Variants in CNTNAP4 observed in about 807,000 individuals in gnomAD.
CNTNAP4 encodes the protein contactin associated protein family member 4.
A neutral mutation model predicts 148.4 loss-of-function variants in CNTNAP4; 98 were observed. The observed-to-expected ratio is 0.66, with a 90% CI of 0.56 to 0.78. The LOEUF is 0.78. Among genes scored for constraint, CNTNAP4 ranks in the 30% least tolerant of loss-of-function variants. The pLI, the probability that CNTNAP4 is intolerant of heterozygous loss-of-function variation, is 0.00. For missense variants in CNTNAP4, 1,935 were observed against 1,565.6 expected, an observed-to-expected ratio of 1.24 and a Z score of -3.98; for synonymous variants, 730 against 565.1, an observed-to-expected ratio of 1.29 and a Z score of -4.14.
chr16:76,395,277 T>G (rs2078159149), intron 3 of CNTNAP4, among the ~76,000 whole-genome samples: 1 of 151,880 alleles, frequency 6.6e-6, no homozygotes, highest in Admixed American at 6.6e-5. Context: ...ATTCTTTTTT[T>G]TTTTTTGAGA....
At chr16:76,310,559 A>G (rs573968807) in intron 1 of CNTNAP4, among the ~76,000 whole-genome samples, 36 of 152,252 alleles carry the variant, frequency 2.4e-4, no homozygotes, top group African/African-American at 7.7e-4. Context: ...CGAGACTCCA[A>G]TCTTTCCAAA....
At position 76,328,532 on chromosome 16, in the gene CNTNAP4, A is replaced by G. The variant is rs116381932; in HGVS notation, c.196+12009A>G. Reference sequence around the variant, plus strand: ...ACCTTTATGGGATCGTGGAACGCAGAAAGGACATTTAGTAAAAACTAAGGA... The same window carrying G: ...ACCTTTATGGGATCGTGGAACGCAGGAAGGACATTTAGTAAAAACTAAGGA... On this transcript the variant is annotated intron_variant, in intron 2 of 23. Coordinates refer to ENST00000611870, the MANE Select transcript of CNTNAP4 (RefSeq NM_033401.5). 6.6e-3 allele frequency among the ~76,000 whole-genome samples: 1,001 copies of G among 152,358 alleles called. 16 individuals carry two copies. The highest frequency in any genetic ancestry group is 0.022 in the African/African-American group (922 of 41,574).
intron 3 of CNTNAP4, among the ~76,000 whole-genome samples, chr16:76,398,609 C>T (rs1473152958): frequency 6.6e-6 from 1 of 151,978 alleles, no homozygotes; most frequent in African/African-American, 2.4e-5. Context: ...TATACAAATA[C>T]TAAAAATTTT....
chr16:76,411,343 A>G (rs1001131626), intron 3 of CNTNAP4, among the ~76,000 whole-genome samples: 1 of 151,622 alleles, frequency 6.6e-6, no homozygotes, highest in Non-Finnish European at 1.5e-5. Flanking sequence ...GCTAATCAAT[A>G]TATTAGAATG....
chr16:76,361,592 G>A (rs191655729), intron 3 of CNTNAP4, among the ~76,000 whole-genome samples: 18 of 152,040 alleles, frequency 1.2e-4, no homozygotes, highest in South Asian at 6.2e-4. Flanking sequence ...CCACTTCTTC[G>A]CTGTTGTAAA....
intron 12 of CNTNAP4, among the ~76,000 whole-genome samples, chr16:76,481,213 C>G (rs1263572972): frequency 6.6e-6 from 1 of 152,184 alleles, no homozygotes; most frequent in Admixed American, 6.5e-5. Flanking sequence ...GAGTATTGAT[C>G]TCCTCCTCAT....
At chr16:76,454,395 A>G (rs945027328) in intron 8 of CNTNAP4, among the ~76,000 whole-genome samples, 4 of 152,202 alleles carry the variant, frequency 2.6e-5, no homozygotes, top group African/African-American at 9.6e-5. Context: ...TATAAGTCTC[A>G]TAGAATACCC....
intron 1 of CNTNAP4, among the ~76,000 whole-genome samples, chr16:76,302,852 G>T (rs1960120421): frequency 6.6e-6 from 1 of 152,132 alleles, no homozygotes; most frequent in African/African-American, 2.4e-5. Context: ...CTCTCCAGAA[G>T]GGAGGGCTCT....
At chr16:76,313,174 G>A (rs1222088308) in intron 1 of CNTNAP4, among the ~76,000 whole-genome samples, 1 of 152,024 alleles carries the variant, frequency 6.6e-6, no homozygotes, top group African/African-American at 2.4e-5. Context: ...GAACAATATT[G>A]ATTCTTAATT....
At position 76,416,479 on chromosome 16, in the gene CNTNAP4, A is replaced by G. The variant is rs147107669; in HGVS notation, c.391-10973A>G. 2.3e-4 allele frequency among the ~76,000 whole-genome samples: 34 copies of G among 150,944 alleles called. No homozygotes were observed. In the East Asian group the frequency reaches 6.4e-3, roughly 29 times the overall value. On this transcript the variant is annotated intron_variant, in intron 3 of 23. Coordinates refer to ENST00000611870, the MANE Select transcript of CNTNAP4 (RefSeq NM_033401.5). ...TATTTTCATTTTCATACAGATTTAA[A>G]CATTCTAGATAATTTCACATGAAAC...
At chr16:76,281,933 T>G (rs1373816031) in intron 1 of CNTNAP4, among the ~76,000 whole-genome samples, 1 of 151,938 alleles carries the variant, frequency 6.6e-6, no homozygotes, top group Non-Finnish European at 1.5e-5. Flanking sequence ...ATATTTTGAA[T>G]TTTATCAATT....
intron 3 of CNTNAP4, among the ~76,000 whole-genome samples, chr16:76,376,907 T>TTG (rs5817987): frequency 0.072 from 10,336 of 143,312 alleles, 363 homozygotes; most frequent in Non-Finnish European, 0.086. Context: ...CTAACAAGGT[T>TTG]TGTGTGTGTG....
At chr16:76,408,384 TTAACAGTTGTTAATCTATTAAC>T (rs1297945223) in intron 3 of CNTNAP4, among the ~76,000 whole-genome samples, 4 of 141,918 alleles carry the variant, frequency 2.8e-5, no homozygotes, top group African/African-American at 7.4e-5. Flanking sequence ...CTATTAACAA[TTAACAGTTGTTAATCTATTAAC>T]AATTAACAAC....
intron 12 of CNTNAP4, among the ~76,000 whole-genome samples, chr16:76,487,386 G>C (rs2082064915): frequency 6.6e-6 from 1 of 152,186 alleles, no homozygotes; most frequent in Admixed American, 6.5e-5. Flanking sequence ...AGAGCTTACA[G>C]ACTGGTAGGA....
chr16:76,362,896 C>T (rs767278955), intron 3 of CNTNAP4, among the ~76,000 whole-genome samples: 1 of 151,882 alleles, frequency 6.6e-6, no homozygotes, highest in African/African-American at 2.4e-5. Context: ...ATGCCTGAAC[C>T]TAAAATAGAA....
At chr16:76,287,503 C>A (rs1482780722) in intron 1 of CNTNAP4, 1 of 152,180 alleles carries the variant, frequency 6.6e-6, no homozygotes, top group Non-Finnish European at 1.5e-5. Context: ...ACCAGATTAG[C>A]ATGAAAGTAT....
At chr16:76,430,398 G>A (rs2079564635) in intron 4 of CNTNAP4, among the ~76,000 whole-genome samples, 1 of 152,156 alleles carries the variant, frequency 6.6e-6, no homozygotes, top group South Asian at 2.1e-4. Flanking sequence ...CCCTCAGAAG[G>A]AAGGGCTGTA....
chr16:76,448,230 T>G lies in CNTNAP4; in HGVS notation c.742+15T>G. Reference sequence around the variant, plus strand: ...TATTAATTCAGGTAAAACTATTCGGTGAAGTGCTCAAAAATCTGATTATTT... The same window carrying G: ...TATTAATTCAGGTAAAACTATTCGGGGAAGTGCTCAAAAATCTGATTATTT... On this transcript the variant is annotated intron_variant, in intron 5 of 23. Coordinates refer to ENST00000611870, the MANE Select transcript of CNTNAP4 (RefSeq NM_033401.5). 6.4e-7 allele frequency: 1 copy of G among 1,557,384 alleles called. No individual in the cohort carries two copies. The highest frequency in any genetic ancestry group is 8.8e-7 in the Non-Finnish European group (1 of 1,134,100).
chr16:76,411,175 A>G (rs865810647), intron 3 of CNTNAP4, among the ~76,000 whole-genome samples: 1 of 151,424 alleles, frequency 6.6e-6, no homozygotes. Context: ...TAAACATTCT[A>G]ATTTTTCAAA....
Sources: gnomAD v4.1 joint callset for allele counts (sites outside exome capture counted in the v4.1 genomes callset) on GRCh38, gnomAD v4.1.1 for gene constraint, MANE v1.5 for transcripts, NCBI Gene and HGNC (gene_info 2026-07-23, HGNC 2026-07-21) for gene names.